The following TMCO1 variants were observed in gnomAD, a reference collection of about 807,000 sequenced individuals.
TMCO1 encodes calcium load-activated calcium channel.
Under a neutral mutation model 29.3 loss-of-function variants are expected in TMCO1, and 29 were observed. That is an observed-to-expected ratio of 0.99 (90% CI 0.74 to 1.35). The LOEUF (loss-of-function observed/expected upper bound fraction) is 1.35. TMCO1 is among the 40% of genes most tolerant of loss of function. The pLI, the probability that TMCO1 is intolerant of heterozygous loss-of-function variation, is 0.00. For missense variants in TMCO1, 173 were observed against 225.5 expected (o/e 0.77, Z 1.49); for synonymous variants, 80 against 77.1 (o/e 1.04, Z -0.20).
At chr1:165,744,402 T>G (rs1448419402) in intron 5 of TMCO1, among the ~76,000 whole-genome samples, 1 of 152,200 alleles carries the variant, frequency 6.6e-6, no homozygotes, top group East Asian at 1.9e-4. Context: ...ACTAAGCTCC[T>G]CATTGTTGGA....
intron 5 of TMCO1, among the ~76,000 whole-genome samples, chr1:165,748,835 C>T (rs1651896447): frequency 6.6e-6 from 1 of 152,194 alleles, no homozygotes; most frequent in African/African-American, 2.4e-5. Flanking sequence ...ATCCTCTGTG[C>T]TCTGCCTAGT....
At chr1:165,767,139 G>A (rs905968263) in intron 2 of TMCO1, among the ~76,000 whole-genome samples, 16 of 152,098 alleles carry the variant, frequency 1.1e-4, no homozygotes, top group Admixed American at 9.8e-4. Context: ...ATATTTATAC[G>A]AGTAACCACA....
chr1:165,739,776 T>C (rs1571215285), intron 6 of TMCO1, among the ~76,000 whole-genome samples: 1 of 152,062 alleles, frequency 6.6e-6, no homozygotes, highest in Non-Finnish European at 1.5e-5. Context: ...AAGATTACTA[T>C]TGATCCATCA....
chr1:165,763,438 A>C (rs1652465360), intron 2 of TMCO1, among the ~76,000 whole-genome samples: 1 of 152,198 alleles, frequency 6.6e-6, no homozygotes. Flanking sequence ...TCACATAAAT[A>C]AAAATAATAC....
intron 5 of TMCO1, among the ~76,000 whole-genome samples, chr1:165,749,014 G>C (rs1467825433): frequency 6.6e-6 from 1 of 152,116 alleles, no homozygotes; most frequent in Non-Finnish European, 1.5e-5. Context: ...TGGCTTACCA[G>C]CTCACTTCTT....
chr1:165,748,395 A>C (rs1235558183), intron 5 of TMCO1, among the ~76,000 whole-genome samples: 2 of 152,156 alleles, frequency 1.3e-5, no homozygotes, highest in African/African-American at 4.8e-5. Context: ...TAATCATTGA[A>C]ACTAGGATGG....
chr1:165,744,905 A>G (rs971862326), intron 5 of TMCO1, among the ~76,000 whole-genome samples: 3 of 152,090 alleles, frequency 2.0e-5, no homozygotes, highest in Admixed American at 1.3e-4. Flanking sequence ...AAGTAGCTAT[A>G]TCTAGTCCTT....
At position 165,743,236 on chromosome 1, in the gene TMCO1, C is replaced by T. The variant is rs1220924100; in HGVS notation, c.399G>A (p.Leu133=). The stretch of plus-strand genomic sequence containing the variant: ...AACAGTCTGTGGTGTCATCTCCCAG[C>T]AGATTTCGATGAGACAGTCCTTGGA... ...SYIQGLSHRN[L]LGDDTTDCSF... Residue 133 remains leucine (L), a synonymous_variant, in exon 6 of 7, where the codon CTG becomes CTA. Coordinates refer to ENST00000367881, the MANE Select transcript of TMCO1 (RefSeq NM_019026.6). The T allele has an allele frequency of 1.2e-6, 2 of 1,612,832 alleles. No individual in the cohort carries two copies. Among genetic ancestry groups the T allele is most frequent in the East Asian group, 4.5e-5 (2 of 44,840 alleles).
chr1:165,749,853 C>CA (rs769914097), intron 5 of TMCO1, among the ~76,000 whole-genome samples: 338 of 150,616 alleles, frequency 2.2e-3, no homozygotes, highest in African/African-American at 7.8e-3. Context: ...AAATAAACGT[C>CA]AAAAAAAAGA....
At position 165,732,503 on chromosome 1, in the gene TMCO1, CTCTATA is replaced by C. The variant is rs1310891319; in HGVS notation, c.469-4388_469-4383del. 7.2e-3 allele frequency among the ~76,000 whole-genome samples: 926 copies of C among 128,614 alleles called. 5 individuals are homozygous for C. Among genetic ancestry groups the C allele is most frequent in the African/African-American group, 0.021 (695 of 32,584 alleles). The allele number at this position is 128,614 out of a possible 152,430, so 84.4% of individuals were successfully genotyped here. ...TCTCTCTCTCTCTCTCTCTCTCTCTCTCTATATATATATATATAAACATACACATAT... is the reference window on the plus strand; with the variant it reads ...TCTCTCTCTCTCTCTCTCTCTCTCTCTATATATATATAAACATACACATAT... On this transcript the variant is annotated intron_variant, in intron 6 of 6. Transcript: ENST00000367881.
chr1:165,767,778 C>G (rs774444215), intron 2 of TMCO1, among the ~76,000 whole-genome samples: 5 of 152,132 alleles, frequency 3.3e-5, no homozygotes, highest in Non-Finnish European at 7.4e-5. Context: ...CTCCTGGGCT[C>G]AAGGGATCCT....
rs776946693 is a variant in TMCO1 at position 165,726,859 on chromosome 1, C to T, written c.*1164G>A. On this transcript the variant is annotated 3_prime_UTR_variant, in exon 7 of 7. Transcript: ENST00000367881. Reference sequence around the variant, plus strand: ...TTGTACATAAAATTCTAAGTTGATACTTATTTTCCTCAGCACTTTGAAGAT... The same window carrying T: ...TTGTACATAAAATTCTAAGTTGATATTTATTTTCCTCAGCACTTTGAAGAT... The T allele has an allele frequency of 1.1e-5, 5 of 453,640 alleles. No individual in the cohort carries two copies. Among genetic ancestry groups the T allele is most frequent in the Admixed American group, 2.4e-5 (1 of 42,516 alleles). 28.1% of individuals were successfully genotyped at this position (453,640 alleles called of 1,614,324 possible).
chr1:165,725,130 AAGAC>A (rs776481097), downstream of TMCO1: 14 of 416,252 alleles, frequency 3.4e-5, no homozygotes, highest in South Asian at 1.8e-4. Context: ...AATAAATTAA[AAGAC>A]TGACTTAAGC....
At chr1:165,747,924 C>T (rs150018829) in intron 5 of TMCO1, among the ~76,000 whole-genome samples, 4,979 of 152,148 alleles carry the variant, frequency 0.033, 246 homozygotes, top group African/African-American at 0.11. Context: ...TCTGGGAGGC[C>T]GAGGCAGGCA....
rs35980344 is a variant in TMCO1 at position 165,753,472 on chromosome 1, CAAAAAAAAAAAAA to C, written c.255+743_255+755del. Among the ~76,000 whole-genome samples the C allele has an allele frequency of 2.9e-4, 14 of 47,770 alleles. No individual in the cohort carries two copies. In the East Asian group the frequency reaches 7.6e-3, roughly 26 times the overall value. 31.3% of individuals were successfully genotyped at this position (47,770 alleles called of 152,430 possible). A position where few individuals can be genotyped will look rare whatever the true frequency, so the allele number is the denominator to read the frequency against. On this transcript the variant is annotated intron_variant, in intron 4 of 6. Transcript: ENST00000367881. Reference sequence around the variant, plus strand: ...TTGGTAATAGAGCAAGACTCTGTCTCAAAAAAAAAAAAAAAAAAAAAAAAAGACTTGGCAGGGT... The same window carrying C: ...TTGGTAATAGAGCAAGACTCTGTCTCAAAAAAAAAAAAGACTTGGCAGGGT...
chr1:165,755,482 G>A (rs1320071340), intron 3 of TMCO1, among the ~76,000 whole-genome samples: 2 of 151,910 alleles, frequency 1.3e-5, no homozygotes, highest in Admixed American at 6.6e-5. Context: ...GGAGTTCAAG[G>A]GCAACACAGA....
At chr1:165,724,359 C>T (rs1024685134), downstream of TMCO1, 2 of 453,886 alleles carry the variant, frequency 4.4e-6, no homozygotes, top group Admixed American at 2.4e-5. Context: ...ACAGAGACAA[C>T]CAATAGTATG....
downstream of TMCO1, chr1:165,725,825 G>A: frequency 2.1e-6 from 1 of 473,794 alleles, no homozygotes; most frequent in South Asian, 1.6e-5. Flanking sequence ...CTTTGTTATT[G>A]TGCTTTTAAG....
At chr1:165,725,055 T>C, downstream of TMCO1, 1 of 361,680 alleles carries the variant, frequency 2.8e-6, no homozygotes, top group African/African-American at 2.2e-5. Flanking sequence ...TATAAAATAG[T>C]GTATATACAT....
Sources: gnomAD v4.1 joint callset for allele counts (sites outside exome capture counted in the v4.1 genomes callset) on GRCh38, gnomAD v4.1.1 for gene constraint, MANE v1.5 for transcripts, NCBI Gene and HGNC (gene_info 2026-07-23, HGNC 2026-07-21) for gene names.